The following EIF2S1 variants were observed in gnomAD, a reference collection of about 807,000 sequenced individuals.
EIF2S1 encodes the protein eukaryotic translation initiation factor 2 subunit alpha.
EIF2S1 carries 5 observed loss-of-function variants against 33.5 expected under a neutral mutation model. The observed-to-expected ratio is 0.15, with a 90% CI of 0.08 to 0.31. EIF2S1 has a LOEUF of 0.31. Among genes scored for constraint, EIF2S1 ranks in the 10% least tolerant of loss-of-function variants. EIF2S1 has a pLI of 1.00. For missense variants in EIF2S1, 191 were observed against 384.6 expected, an observed-to-expected ratio of 0.50 and a Z score of 4.21; for synonymous variants, 99 against 127.5, an observed-to-expected ratio of 0.78 and a Z score of 1.51.
At chr14:67,370,680 T>C (rs2141135679) in intron 2 of EIF2S1, among the ~76,000 whole-genome samples, 1 of 152,300 alleles carries the variant, frequency 6.6e-6, no homozygotes, top group African/African-American at 2.4e-5. Flanking sequence ...AAATTTTGAG[T>C]GTCCTATATG....
intron 2 of EIF2S1, 73 bp downstream of exon 2, chr14:67,365,081 A>G: frequency 5.6e-6 from 8 of 1,434,624 alleles, no homozygotes; most frequent in Non-Finnish European, 7.4e-6. Flanking sequence ...TTTTTTGTAA[A>G]TTGCAAGCTG....
rs886480158 is a variant in EIF2S1, at chr14:67,385,470, A to C, written c.*2030A>C. The C allele has an allele frequency of 2.0e-5, 3 of 151,442 alleles. No individual in the cohort carries two copies. Among genetic ancestry groups the C allele is most frequent in the African/African-American group, 7.3e-5 (3 of 41,196 alleles). The allele number at this position is 151,442 out of a possible 1,614,324, so 9.4% of individuals were successfully genotyped here. A position where few individuals can be genotyped will look rare whatever the true frequency, so the allele number is the denominator to read the frequency against. ...AAAAAAAAAAAACCAAAAATCTTGA[A>C]TCTCCCATCAAAGCCTTTTCATTAA... On this transcript the variant is annotated 3_prime_UTR_variant, in exon 8 of 8. Transcript: ENST00000256383.
At chr14:67,365,978 G>A (rs1020100050) in intron 2 of EIF2S1, among the ~76,000 whole-genome samples, 5 of 152,016 alleles carry the variant, frequency 3.3e-5, no homozygotes, top group African/African-American at 4.8e-5. Flanking sequence ...CTTAGCTATA[G>A]CCCCGCCCAA....
intron 1 of EIF2S1, among the ~76,000 whole-genome samples, chr14:67,362,980 A>G (rs1442234471): frequency 1.3e-5 from 2 of 152,164 alleles, no homozygotes; most frequent in African/African-American, 2.4e-5. Flanking sequence ...ATTCTCTTAC[A>G]TGATTGCCCA....
At chr14:67,382,972 AGTT>A (rs1208171804) in intron 7 of EIF2S1, among the ~76,000 whole-genome samples, 1 of 152,034 alleles carries the variant, frequency 6.6e-6, no homozygotes, top group Non-Finnish European at 1.5e-5. Flanking sequence ...AGTAAGTAGT[AGTT>A]TGAGCCTGGA....
chr14:67,366,081 C>CTT (rs552951257), intron 2 of EIF2S1, among the ~76,000 whole-genome samples: 25 of 141,032 alleles, frequency 1.8e-4, no homozygotes, highest in Admixed American at 3.6e-4. Flanking sequence ...TAATCTTGTA[C>CTT]TTTTTTTTTT....
In EIF2S1 at chr14:67,386,147, C is replaced by T. The variant is rs539969540; in HGVS notation, c.*2707C>T. On this transcript the variant is annotated 3_prime_UTR_variant, in exon 8 of 8. Coordinates refer to ENST00000256383, the MANE Select transcript of EIF2S1 (RefSeq NM_004094.5). Reference sequence around the variant, plus strand: ...TAGTTTAATTCAGATGAACACCTATCGATATTCAAAAGGCAAAACAAAAAA... The same window carrying T: ...TAGTTTAATTCAGATGAACACCTATTGATATTCAAAAGGCAAAACAAAAAA... 6.6e-6 allele frequency: 1 copy of T among 152,494 alleles called. No homozygotes were observed. Among genetic ancestry groups the T allele is most frequent in the South Asian group, 2.1e-4 (1 of 4,826 alleles). The allele number at this position is 152,494 out of a possible 1,614,324, so 9.4% of individuals were successfully genotyped here.
intron 1 of EIF2S1, among the ~76,000 whole-genome samples, chr14:67,361,897 C>T (rs2085744614): frequency 6.6e-6 from 1 of 152,088 alleles, no homozygotes; most frequent in African/African-American, 2.4e-5. Flanking sequence ...ATTTCTGTTC[C>T]ACCTTTCCTG....
rs191939477 is a variant in EIF2S1 at position 67,360,398 on chromosome 14, C to T, written c.-60C>T. ...CCGGTGAGGGGGAAGCAAGTCTGGTCTCTGTGATTGAAGAAGTCGGCTCTG... is the reference window on the plus strand; with the variant it reads ...CCGGTGAGGGGGAAGCAAGTCTGGTTTCTGTGATTGAAGAAGTCGGCTCTG... On this transcript the variant is annotated 5_prime_UTR_variant, in exon 1 of 8. Coordinates refer to ENST00000256383, the MANE Select transcript of EIF2S1 (RefSeq NM_004094.5). 324 of 395,382 alleles carry T rather than the reference C, an allele frequency of 8.2e-4. 1 individual carries two copies. Among genetic ancestry groups the T allele is most frequent in the Middle Eastern group, 2.5e-3 (4 of 1,574 alleles). The allele number at this position is 395,382 out of a possible 1,614,324, so 24.5% of individuals were successfully genotyped here.
intron 1 of EIF2S1, among the ~76,000 whole-genome samples, chr14:67,361,708 A>G (rs376363530): frequency 1.2e-4 from 18 of 152,334 alleles, no homozygotes; most frequent in African/African-American, 4.1e-4. Flanking sequence ...TTTGGTTGAT[A>G]TATTTTGAAA....
intron 6 of EIF2S1, 139 bp downstream of exon 6, chr14:67,381,829 T>A: frequency 1.7e-6 from 1 of 573,816 alleles, no homozygotes; most frequent in Non-Finnish European, 3.0e-6. Context: ...GAGCAGTGGT[T>A]CTTGGTAATA....
intron 7 of EIF2S1, among the ~76,000 whole-genome samples, 161 bp from the exon 8 acceptor site, chr14:67,383,154 G>A (rs2085898979): frequency 6.6e-6 from 1 of 152,084 alleles, no homozygotes; most frequent in Non-Finnish European, 1.5e-5. Context: ...TCTTATTTAT[G>A]TAATGGAATT....
intron 2 of EIF2S1, among the ~76,000 whole-genome samples, chr14:67,373,350 A>G (rs2085836751): frequency 6.6e-6 from 1 of 152,218 alleles, no homozygotes; most frequent in Non-Finnish European, 1.5e-5. Flanking sequence ...ATGAAAAAGA[A>G]TGCTCAGAAT....
At chr14:67,371,118 A>G (rs2085817814) in intron 2 of EIF2S1, among the ~76,000 whole-genome samples, 1 of 152,156 alleles carries the variant, frequency 6.6e-6, no homozygotes, top group Non-Finnish European at 1.5e-5. Context: ...AAAATTTCAG[A>G]AAGTTAAGGA....
intron 2 of EIF2S1, 83 bp from the exon 3 acceptor site, chr14:67,374,385 C>T: frequency 1.5e-6 from 1 of 680,592 alleles, no homozygotes; most frequent in Non-Finnish European, 2.4e-6. Flanking sequence ...GCCAATCAAA[C>T]ACTTAATTTG....
rs1372250232 is a variant in EIF2S1 at position 67,376,599 on chromosome 14, A to G, written c.473+9A>G. ...TTTAAGCATGCAGTCTCGTAAGAATACCTTCTTGACTCTCCTTCTACCTTG... is the reference window on the plus strand; with the variant it reads ...TTTAAGCATGCAGTCTCGTAAGAATGCCTTCTTGACTCTCCTTCTACCTTG... On this transcript the variant is annotated intron_variant, in intron 4 of 7. Transcript: ENST00000256383. The G allele has an allele frequency of 1.2e-6, 2 of 1,611,302 alleles. No individual in the cohort carries two copies. The highest frequency in any genetic ancestry group is 8.5e-7 in the Non-Finnish European group (1 of 1,178,330).
At chr14:67,378,988 T>G (rs1210148919) in intron 4 of EIF2S1, among the ~76,000 whole-genome samples, 1 of 152,344 alleles carries the variant, frequency 6.6e-6, no homozygotes, top group Non-Finnish European at 1.5e-5. Context: ...TTTTTGTAGC[T>G]TGCATTTTTA....
intron 2 of EIF2S1, among the ~76,000 whole-genome samples, chr14:67,369,131 G>A (rs916203941): frequency 8.5e-5 from 13 of 152,108 alleles, no homozygotes; most frequent in African/African-American, 2.4e-4. Flanking sequence ...AAGACTCGAC[G>A]ATAATCCTGT....
At position 67,385,189 on chromosome 14, in the gene EIF2S1, C is replaced by G. The variant is rs2085913806; in HGVS notation, c.*1749C>G. 6.6e-6 allele frequency: 1 copy of G among 152,138 alleles called. No homozygotes were observed. The highest frequency in any genetic ancestry group is 6.5e-5 in the Admixed American group (1 of 15,272). The allele number at this position is 152,138 out of a possible 1,614,324, so 9.4% of individuals were successfully genotyped here. Reference sequence around the variant, plus strand: ...AACAAAACTTAAAAGTATTCATACACCTTGCTAACCTAAAAGACAGCAGGG... The same window carrying G: ...AACAAAACTTAAAAGTATTCATACAGCTTGCTAACCTAAAAGACAGCAGGG... On this transcript the variant is annotated 3_prime_UTR_variant, in exon 8 of 8. Transcript: ENST00000256383.
Sources: gnomAD v4.1 joint callset for allele counts (sites outside exome capture counted in the v4.1 genomes callset) on GRCh38, gnomAD v4.1.1 for gene constraint, MANE v1.5 for transcripts, NCBI Gene and HGNC (gene_info 2026-07-23, HGNC 2026-07-21) for gene names.